The following ACSS2 variants were observed in gnomAD, a reference collection of about 807,000 sequenced individuals.
ACSS2 encodes acyl-CoA synthetase short chain family member 2.
A neutral mutation model predicts 90.6 loss-of-function variants in ACSS2; 58 were observed. The observed-to-expected ratio is 0.64, with a 90% confidence interval of 0.52 to 0.80. The LOEUF (loss-of-function observed/expected upper bound fraction) is 0.80. Among genes scored for constraint, ACSS2 ranks in the 30% least tolerant of loss-of-function variants. The pLI is 0.00. For synonymous variants in ACSS2, 300 were observed against 330.9 expected (o/e 0.91, Z 1.01); for missense variants, 759 against 912.0 (o/e 0.83, Z 2.16).
chr20:34,874,990 CA>C, upstream of ACSS2: 1 of 526,282 alleles, frequency 1.9e-6, no homozygotes, highest in Non-Finnish European at 3.9e-6. Flanking sequence ...GATGGGGTCA[CA>C]AGGCCTGTGT....
rs188991557 is a variant in ACSS2 at position 34,902,356 on chromosome 20, G to A, written c.375-10740G>A. On this transcript the variant is annotated intron_variant, in intron 2 of 17. Transcript: ENST00000360596. ...AATAAGTAAACAAATAACAAAAGAA[G>A]TATAGTTTGAGAAAAATGCTGTGAA... Among the ~76,000 whole-genome samples the A allele has an allele frequency of 2.1e-3, 326 of 152,166 alleles. 2 individuals carry two copies. The highest frequency in any genetic ancestry group is 2.4e-3 in the Non-Finnish European group (162 of 68,012).
At chr20:34,876,139 C>T (rs2079901353), upstream of ACSS2, among the ~76,000 whole-genome samples, 1 of 152,104 alleles carries the variant, frequency 6.6e-6, no homozygotes. Flanking sequence ...CTCCTTAGTC[C>T]ATCCCTTTCC....
intron 14 of ACSS2, among the ~76,000 whole-genome samples, chr20:34,924,053 C>T (rs1209974706): frequency 6.6e-6 from 1 of 152,088 alleles, no homozygotes. Context: ...TGGTGCCATC[C>T]GAACTTTGAT....
intron 1 of ACSS2, among the ~76,000 whole-genome samples, chr20:34,877,498 AGATGGTTC>A (rs2079945363): frequency 1.3e-5 from 2 of 152,176 alleles, no homozygotes; most frequent in Admixed American, 1.3e-4. Flanking sequence ...AAGTTCTGAT[AGATGGTTC>A]CATGTCTGTT....
At chr20:34,895,678 A>G (rs527306097) in intron 2 of ACSS2, among the ~76,000 whole-genome samples, 1 of 152,368 alleles carries the variant, frequency 6.6e-6, no homozygotes, top group African/African-American at 2.4e-5. Context: ...TTGAGATAAG[A>G]GAGAGCTATG....
At chr20:34,905,303 C>T (rs1318161364) in intron 2 of ACSS2, among the ~76,000 whole-genome samples, 1 of 151,552 alleles carries the variant, frequency 6.6e-6, no homozygotes, top group Non-Finnish European at 1.5e-5. Context: ...CTCGGTCGCC[C>T]AGGCTGGAGT....
rs745816956 is a variant in ACSS2 at position 34,926,952 on chromosome 20, G to C, written c.1978+1G>C. On this transcript the variant is annotated splice_donor_variant, in intron 17 of 17. Transcript: ENST00000360596. LOFTEE classifies it high-confidence loss of function. ...CCTGGCTTGCCTAAAACCCGCTCAG[G>C]TATGTTCAGAGGCCTCCATGGATTG... is the stretch of plus-strand genomic sequence containing the variant. The C allele has an allele frequency of 6.2e-7, 1 of 1,614,050 alleles. No homozygotes were observed. Among genetic ancestry groups the C allele is most frequent in the Non-Finnish European group, 8.5e-7 (1 of 1,180,044 alleles).
chr20:34,907,148 T>C (rs1047140730), intron 2 of ACSS2, among the ~76,000 whole-genome samples: 21 of 151,748 alleles, frequency 1.4e-4, no homozygotes, highest in African/African-American at 5.1e-4. Context: ...GAGACAGTCT[T>C]GCCCTGTCAC....
chr20:34,879,575 T>C (rs2080020951), intron 1 of ACSS2, among the ~76,000 whole-genome samples: 1 of 150,808 alleles, frequency 6.6e-6, no homozygotes, highest in Non-Finnish European at 1.5e-5. Context: ...GTGCATAAAA[T>C]TCAGTTTTGT....
intron 14 of ACSS2, among the ~76,000 whole-genome samples, chr20:34,924,125 C>T (rs1166781106): frequency 1.2e-4 from 19 of 152,106 alleles, no homozygotes; most frequent in Admixed American, 1.2e-3. Context: ...TGTGGCAGTG[C>T]ATGACTATTA....
chr20:34,926,323 G>A lies in ACSS2; in HGVS notation c.1903+42G>A, dbSNP rs775306647. The A allele has an allele frequency of 3.1e-6, 5 of 1,589,770 alleles. No homozygotes were observed. In the African/African-American group the frequency reaches 5.4e-5, roughly 17 times the overall value. On this transcript the variant is annotated intron_variant, in intron 16 of 17. Transcript: ENST00000360596. ...GGCAGGGACTATAGGGTCTGTCTTG[G>A]AGGCCCAGTTATCACTGCAAGTTGT...
At chr20:34,913,010 A>G (rs544092369) in intron 2 of ACSS2, 86 bp from the exon 3 acceptor site, 19 of 1,035,678 alleles carry the variant, frequency 1.8e-5, no homozygotes, top group South Asian at 1.7e-4. Context: ...CCTTAGTGTC[A>G]CTGAATGGAT....
Position 34,927,333 on chromosome 20 carries a change from CTG to C in ACSS2, c.*120_*121del, listed in dbSNP as rs2147115863. Reference sequence around the variant, plus strand: ...ACACTACCCTCCCTTGACCAGCTGTCTGGGACCGGAAACCAGCTTTGTCTCCA... The same window carrying C: ...ACACTACCCTCCCTTGACCAGCTGTCGGACCGGAAACCAGCTTTGTCTCCA... On this transcript the variant is annotated 3_prime_UTR_variant, in exon 18 of 18. Transcript: ENST00000360596. This position sits in a 1 kb window ranked among gnomAD's most constrained non-coding sequence, Gnocchi z 4.2. The C allele has an allele frequency of 7.3e-7, 1 of 1,378,992 alleles. No homozygotes were observed. Among genetic ancestry groups the C allele is most frequent in the South Asian group, 1.3e-5 (1 of 79,194 alleles). 85.4% of individuals were successfully genotyped at this position (1,378,992 alleles called of 1,614,324 possible).
In ACSS2 at chr20:34,920,992, C is replaced by G; in HGVS notation, c.1144-14C>G. The stretch of plus-strand genomic sequence containing the variant: ...ATTAGGAAAGACTGGGAATGACCAG[C>G]CTTCATGGGTCAGTTTGAGGGGATT... On this transcript the variant is annotated splice_polypyrimidine_tract_variant and intron_variant, in intron 9 of 17. Transcript: ENST00000360596. 2 of 1,613,978 alleles carry G rather than the reference C, an allele frequency of 1.2e-6. No homozygotes were observed. Among genetic ancestry groups the G allele is most frequent in the South Asian group, 2.2e-5 (2 of 91,072 alleles).
intron 2 of ACSS2, among the ~76,000 whole-genome samples, chr20:34,910,453 C>G (rs532745804): frequency 6.6e-6 from 1 of 152,084 alleles, no homozygotes; most frequent in Admixed American, 6.6e-5. Flanking sequence ...TGGAGACCAC[C>G]CTGGACAATA....
At chr20:34,921,667 TTAGA>T in intron 12 of ACSS2, 67 bp downstream of exon 12, 1 of 1,612,238 alleles carries the variant, frequency 6.2e-7, no homozygotes, top group Non-Finnish European at 8.5e-7. Flanking sequence ...CTTGGCCTAG[TTAGA>T]TAGTGGAGAA....
At chr20:34,888,112 A>T (rs542737866) in intron 2 of ACSS2, among the ~76,000 whole-genome samples, 4 of 150,886 alleles carry the variant, frequency 2.7e-5, no homozygotes, top group African/African-American at 9.7e-5. Flanking sequence ...TTATGGGCCA[A>T]ACTGCAAAGA....
intron 14 of ACSS2, among the ~76,000 whole-genome samples, chr20:34,924,991 C>G (rs2081286752): frequency 6.6e-6 from 1 of 152,082 alleles, no homozygotes; most frequent in Non-Finnish European, 1.5e-5. Context: ...TGCCTGGCCA[C>G]CTTTTGGGGT....
chr20:34,920,800 G>T, intron 9 of ACSS2, 91 bp downstream of exon 9: 1 of 1,490,786 alleles, frequency 6.7e-7, no homozygotes, highest in South Asian at 1.3e-5. Flanking sequence ...GAGGGAGGGG[G>T]ACTTATACAA....
Sources: allele counts gnomAD v4.1 joint callset (sites outside exome capture counted in the v4.1 genomes callset), GRCh38; gene constraint gnomAD v4.1.1; non-coding constraint Gnocchi (gnomAD v3.1); transcripts MANE v1.5; gene names NCBI Gene and HGNC (gene_info 2026-07-23, HGNC 2026-07-21).